The following CACNA2D3 variants were observed in gnomAD, a reference collection of about 807,000 sequenced individuals.
The protein encoded by CACNA2D3 is calcium voltage-gated channel auxiliary subunit alpha2delta 3, also known as voltage-dependent calcium channel subunit alpha-2/delta-3.
A neutral mutation model predicts 160.6 loss-of-function variants in CACNA2D3; 60 were observed. The ratio of observed to expected loss-of-function variants is 0.37; its 90% CI spans 0.30 to 0.46. CACNA2D3 has a LOEUF of 0.46. Ranked by LOEUF, CACNA2D3 falls within the 20% of genes least tolerant of loss-of-function variation. CACNA2D3 has a pLI of 1.00. For synonymous variants in CACNA2D3, 558 were observed against 492.9 expected (o/e 1.13, Z -1.75); for missense variants, 1,205 against 1,365.0 (o/e 0.88, Z 1.85).
At chr3:54,458,858 G>A (rs1421570414) in intron 4 of CACNA2D3, among the ~76,000 whole-genome samples, 1 of 151,822 alleles carries the variant, frequency 6.6e-6, no homozygotes, top group Non-Finnish European at 1.5e-5. Context: ...TGCCATGCTG[G>A]TGTGCTGCAC....
chr3:54,503,387 G>A (rs943858073), intron 4 of CACNA2D3, 105 bp from the exon 5 acceptor site: 5 of 926,494 alleles, frequency 5.4e-6, no homozygotes, highest in African/African-American at 3.3e-5. Context: ...GAGCAGATCA[G>A]GGTCCACAGT....
Position 54,879,400 on chromosome 3 carries a change from T to C in CACNA2D3, c.1833T>C (p.Gly611=), listed in dbSNP as rs1466269770. 1 of 1,609,790 alleles carries C rather than the reference T, an allele frequency of 6.2e-7. No homozygotes were observed. Among genetic ancestry groups the C allele is most frequent in the Non-Finnish European group, 8.5e-7 (1 of 1,177,576 alleles). ...TNDYYYTDIK[G]TPFSLGVALS... is the part of the protein sequence containing the mutation. ...ACTACTATTATACAGACATCAAGGG[T>C]ACTCCTTTCAGGTAGAGCTGACCAT... is the stretch of plus-strand genomic sequence containing the variant. Residue 611 remains glycine, a synonymous_variant, in exon 20 of 38, where the codon GGT becomes GGC. Transcript: ENST00000474759.
At chr3:54,721,223 A>G (rs541903149) in intron 11 of CACNA2D3, among the ~76,000 whole-genome samples, 1 of 152,298 alleles carries the variant, frequency 6.6e-6, no homozygotes, top group Non-Finnish European at 1.5e-5. Flanking sequence ...CCTTGGTGCC[A>G]TATTAATCCT....
intron 35 of CACNA2D3, among the ~76,000 whole-genome samples, chr3:55,024,608 C>A (rs1450960605): frequency 6.6e-6 from 1 of 152,132 alleles, no homozygotes; most frequent in Non-Finnish European, 1.5e-5. Flanking sequence ...CCTGACTAAA[C>A]ACTAAGTCTG....
At chr3:54,983,778 G>A (rs994754237) in intron 29 of CACNA2D3, among the ~76,000 whole-genome samples, 1 of 152,148 alleles carries the variant, frequency 6.6e-6, no homozygotes, top group African/African-American at 2.4e-5. Context: ...GTAAAGATAT[G>A]TTACAAATTA....
chr3:54,575,926 G>T (rs1469955097), intron 8 of CACNA2D3, among the ~76,000 whole-genome samples: 4 of 152,272 alleles, frequency 2.6e-5, no homozygotes, highest in African/African-American at 9.6e-5. Context: ...ACATAGGGGG[G>T]TGGGTGAATG....
At chr3:54,612,951 C>T (rs1698774107) in intron 9 of CACNA2D3, among the ~76,000 whole-genome samples, 1 of 152,106 alleles carries the variant, frequency 6.6e-6, no homozygotes, top group African/African-American at 2.4e-5. Context: ...CTCAGGGATA[C>T]AGGAAAGGGT....
chr3:54,467,369 C>T (rs939018244), intron 4 of CACNA2D3, among the ~76,000 whole-genome samples: 3 of 152,088 alleles, frequency 2.0e-5, no homozygotes, highest in Non-Finnish European at 4.4e-5. Flanking sequence ...CACTTAGGCT[C>T]ATGGAAGTGG....
chr3:54,357,454 C>G (rs1387880401), intron 3 of CACNA2D3, among the ~76,000 whole-genome samples: 1 of 152,162 alleles, frequency 6.6e-6, no homozygotes, highest in Non-Finnish European at 1.5e-5. Context: ...AATAAGAACT[C>G]TTGTTCATTG....
intron 2 of CACNA2D3, among the ~76,000 whole-genome samples, chr3:54,264,428 C>T (rs900472929): frequency 2.0e-5 from 3 of 152,200 alleles, no homozygotes; most frequent in Non-Finnish European, 2.9e-5. Context: ...CAGCTTTGAA[C>T]TCTAAGCTGC....
chr3:54,484,653 C>A (rs982801985), intron 4 of CACNA2D3, among the ~76,000 whole-genome samples: 1 of 152,014 alleles, frequency 6.6e-6, no homozygotes, highest in African/African-American at 2.4e-5. Flanking sequence ...GATAATGAGG[C>A]CACATATTCT....
chr3:54,311,723 C>T (rs7428140), intron 2 of CACNA2D3, among the ~76,000 whole-genome samples: 1 of 152,202 alleles, frequency 6.6e-6, no homozygotes, highest in Non-Finnish European at 1.5e-5. Context: ...AAATAAGCCT[C>T]CTTTTACCCC....
chr3:54,344,081 C>T (rs1698412951), intron 3 of CACNA2D3, among the ~76,000 whole-genome samples: 4 of 152,124 alleles, frequency 2.6e-5, no homozygotes. Flanking sequence ...ATTATCTCAC[C>T]ATGTCACAGA....
intron 11 of CACNA2D3, among the ~76,000 whole-genome samples, chr3:54,660,830 G>A (rs1699956059): frequency 1.3e-5 from 2 of 152,116 alleles, no homozygotes; most frequent in African/African-American, 4.8e-5. Context: ...AGATCTCCAC[G>A]TGAAAGTGGA....
In CACNA2D3 at chr3:54,321,940, A is replaced by C. The variant is rs971240675; in HGVS notation, c.321+1382A>C. Among the ~76,000 whole-genome samples the C allele has an allele frequency of 1.7e-3, 253 of 152,160 alleles. 6 individuals carry two copies. The East Asian group carries it at 0.03, about 18-fold the overall frequency. ...ATCCTTGCAAAAAAAAAAAAAAAAA[A>C]AACTAGTAACAGCATTGTCAATTTG... On this transcript the variant is annotated intron_variant, in intron 3 of 37. Coordinates refer to ENST00000474759, the MANE Select transcript of CACNA2D3 (RefSeq NM_018398.3).
intron 30 of CACNA2D3, among the ~76,000 whole-genome samples, chr3:54,987,432 G>A (rs753888692): frequency 3.3e-5 from 5 of 152,172 alleles, no homozygotes; most frequent in Non-Finnish European, 5.9e-5. Context: ...GTGCATGCGT[G>A]TTTTAATTTC....
At chr3:54,779,086 C>T (rs1306838298) in intron 13 of CACNA2D3, among the ~76,000 whole-genome samples, 1 of 152,004 alleles carries the variant, frequency 6.6e-6, no homozygotes. Context: ...TACTTTTGCC[C>T]ACTGTTACAA....
intron 4 of CACNA2D3, among the ~76,000 whole-genome samples, chr3:54,457,306 C>T (rs1700416714): frequency 6.6e-6 from 1 of 151,776 alleles, no homozygotes; most frequent in African/African-American, 2.4e-5. Context: ...TTCTTAATTC[C>T]TTCATTGACC....
rs1703372257 is a variant in CACNA2D3, at chr3:55,018,297, T to C, written c.2967T>C (p.Ile989=). 1.2e-6 allele frequency: 2 copies of C among 1,611,374 alleles called. No homozygotes were observed. Among genetic ancestry groups the C allele is most frequent in the Non-Finnish European group, 1.7e-6 (2 of 1,177,806 alleles). The change falls in exon 35 of 38, where the codon ATT becomes ATC. Residue 989 remains isoleucine, a synonymous_variant. Coordinates refer to ENST00000474759, the MANE Select transcript of CACNA2D3 (RefSeq NM_018398.3). ...CCATCAAGGAGACTACAGGGAATAT[T>C]GCTTGTGAAGACTGCTCCAAGTAAG... is the stretch of plus-strand genomic sequence containing the variant. The part of the protein sequence containing the change: ...ERTIKETTGN[I]ACEDCSKSFV...
Sources: allele counts gnomAD v4.1 joint callset (sites outside exome capture counted in the v4.1 genomes callset), GRCh38; gene constraint gnomAD v4.1.1; transcripts MANE v1.5; gene names NCBI Gene and HGNC (gene_info 2026-07-23, HGNC 2026-07-21).